Variants in AGO3 observed in about 807,000 individuals in gnomAD.
The protein encoded by AGO3 is protein argonaute-3.
AGO3 carries 16 observed loss-of-function variants against 105.5 expected under a neutral mutation model. That is an observed-to-expected ratio of 0.15 (90% confidence interval 0.10 to 0.23). The LOEUF is 0.23. AGO3 is among the 10% of genes least tolerant of loss of function. The probability of loss-of-function intolerance (pLI) is 1.00; values close to 1 mark genes in which losing one functional copy is unlikely to be tolerated. For missense variants in AGO3, 534 were observed against 1,088.0 expected, an observed-to-expected ratio of 0.49 and a Z score of 7.16; for synonymous variants, 340 against 367.3, an observed-to-expected ratio of 0.93 and a Z score of 0.85.
At chr1:35,961,030 A>C (rs1571435340) in intron 2 of AGO3, among the ~76,000 whole-genome samples, 1 of 140,898 alleles carries the variant, frequency 7.1e-6, no homozygotes, top group East Asian at 2.0e-4. Context: ...TGCAAGCTCC[A>C]CCTCCCGGGT....
chr1:35,954,840 A>G (rs1646535604), intron 2 of AGO3, among the ~76,000 whole-genome samples: 1 of 152,238 alleles, frequency 6.6e-6, no homozygotes, highest in African/African-American at 2.4e-5. Context: ...AAATAATTGT[A>G]TCATAAAAGG....
intron 5 of AGO3, among the ~76,000 whole-genome samples, chr1:35,977,156 C>T: frequency 6.7e-6 from 1 of 148,536 alleles, no homozygotes; most frequent in Admixed American, 6.8e-5. Context: ...TAATGGATAC[C>T]CCATTTACCC....
intron 1 of AGO3, among the ~76,000 whole-genome samples, chr1:35,942,955 A>G (rs796691656): frequency 7.2e-5 from 11 of 151,922 alleles, no homozygotes; most frequent in African/African-American, 2.7e-4. Context: ...TAGGTACCTC[A>G]TGTAAGTGGA....
chr1:35,949,454 G>A (rs1646429696), intron 2 of AGO3, among the ~76,000 whole-genome samples: 1 of 152,078 alleles, frequency 6.6e-6, no homozygotes, highest in African/African-American at 2.4e-5. Flanking sequence ...AATTGATGTG[G>A]TGGCTCAGTT....
At chr1:35,971,050 T>TATAAATATATAA (rs1646859677) in intron 3 of AGO3, among the ~76,000 whole-genome samples, 1 of 146,182 alleles carries the variant, frequency 6.8e-6, no homozygotes, top group African/African-American at 2.5e-5. Context: ...ATATATTTTT[T>TATAAATATATAA]ATTATAAATA....
chr1:36,044,353 A>AT (rs1353440686), intron 17 of AGO3, among the ~76,000 whole-genome samples: 1 of 152,052 alleles, frequency 6.6e-6, no homozygotes, highest in South Asian at 2.1e-4. Context: ...GTCTCAAAAA[A>AT]TAAAAAAAAA....
intron 5 of AGO3, among the ~76,000 whole-genome samples, chr1:35,976,240 C>T (rs1224879616): frequency 1.3e-5 from 2 of 152,020 alleles, no homozygotes; most frequent in African/African-American, 4.8e-5. Context: ...CAGGCCATTT[C>T]TTGTTATTCC....
chr1:35,966,200 A>G (rs552540718), intron 2 of AGO3, among the ~76,000 whole-genome samples: 3 of 152,326 alleles, frequency 2.0e-5, no homozygotes, highest in Middle Eastern at 3.4e-3. Context: ...TTTAGATTTT[A>G]TAAACAAAAT....
intron 5 of AGO3, 129 bp downstream of exon 5, chr1:35,973,640 G>T: frequency 9.5e-7 from 1 of 1,056,396 alleles, no homozygotes; most frequent in Non-Finnish European, 1.3e-6. Flanking sequence ...ATGATCTACT[G>T]GAGAAACCTT....
At chr1:36,004,263 T>C in intron 5 of AGO3, 78 bp from the exon 6 acceptor site, 1 of 1,439,378 alleles carries the variant, frequency 6.9e-7, no homozygotes, top group Non-Finnish European at 9.4e-7. Context: ...CTATAGATAG[T>C]TATCCTGGAG....
Position 36,066,920 on chromosome 1 carries a change from C to A in AGO3, c.*11175C>A, listed in dbSNP as rs368424212. The stretch of plus-strand genomic sequence containing the variant: ...GAGCAGCTATTGCTATTTGAACCTA[C>A]AGAAGAGACCTAAGACGAGCGTCTC... On this transcript the variant is annotated 3_prime_UTR_variant, in exon 19 of 19. Transcript: ENST00000373191. 4.6e-5 allele frequency: 7 copies of A among 152,202 alleles called. No homozygotes were observed. The highest frequency in any genetic ancestry group is 3.9e-4 in the Admixed American group (6 of 15,284). The allele number at this position is 152,202 out of a possible 1,614,324, so 9.4% of individuals were successfully genotyped here.
At chr1:36,006,747 A>G (rs1640353500) in intron 6 of AGO3, among the ~76,000 whole-genome samples, 1 of 152,200 alleles carries the variant, frequency 6.6e-6, no homozygotes, top group Non-Finnish European at 1.5e-5. Flanking sequence ...ATGAAAAATT[A>G]CTACTCACTG....
intron 1 of AGO3, among the ~76,000 whole-genome samples, chr1:35,933,204 A>T (rs146807906): frequency 9.8e-5 from 15 of 152,298 alleles, no homozygotes; most frequent in African/African-American, 2.9e-4. Context: ...TTTATACATG[A>T]TTGAATGTAG....
intron 2 of AGO3, among the ~76,000 whole-genome samples, chr1:35,960,477 C>A (rs1646652835): frequency 6.6e-6 from 1 of 151,668 alleles, no homozygotes; most frequent in Admixed American, 6.6e-5. Flanking sequence ...AAGACCTGGT[C>A]TCAAAAAAAA....
chr1:36,055,345 T>G lies in AGO3; in HGVS notation c.2474+200T>G. The G allele has an allele frequency of 3.2e-6, 2 of 628,204 alleles. No individual in the cohort carries two copies. Among genetic ancestry groups the G allele is most frequent in the Non-Finnish European group, 5.5e-6 (2 of 362,770 alleles). 38.9% of individuals were successfully genotyped at this position (628,204 alleles called of 1,614,324 possible). A position where few individuals can be genotyped will look rare whatever the true frequency, so the allele number is the denominator to read the frequency against. ...TCATGTAGTAACTTAGTTGTTTTAC[T>G]ACATTAATTCAAAGGAGAGATTATT... On this transcript the variant is annotated intron_variant, in intron 18 of 18. Coordinates refer to ENST00000373191, the MANE Select transcript of AGO3 (RefSeq NM_024852.4). The surrounding 1 kb of genome is among the most constrained non-coding windows in gnomAD (Gnocchi z 4.4).
chr1:35,948,334 C>T (rs1355593538), intron 2 of AGO3, among the ~76,000 whole-genome samples: 1 of 151,758 alleles, frequency 6.6e-6, no homozygotes, highest in Non-Finnish European at 1.5e-5. Context: ...TCTCCTGCCT[C>T]AGCCTCCCGA....
chr1:35,933,904 T>C (rs189190438), intron 1 of AGO3, among the ~76,000 whole-genome samples: 3 of 152,228 alleles, frequency 2.0e-5, no homozygotes, highest in African/African-American at 7.2e-5. Context: ...AAATACCATA[T>C]AAGTTAGTAT....
At chr1:36,004,583 A>G (rs954940400) in intron 6 of AGO3, 108 bp downstream of exon 6, 33 of 932,354 alleles carry the variant, frequency 3.5e-5, no homozygotes, top group Non-Finnish European at 4.4e-5. Flanking sequence ...CATAACCAGT[A>G]AAACTATACA....
At chr1:36,014,179 GAC>G in intron 11 of AGO3, 131 bp downstream of exon 11, 1 of 1,174,728 alleles carries the variant, frequency 8.5e-7, no homozygotes, top group Non-Finnish European at 1.2e-6. Flanking sequence ...TTTTTTTTGA[GAC>G]AGAGTCTCAC....
Sources: gnomAD v4.1 joint callset for allele counts (sites outside exome capture counted in the v4.1 genomes callset) on GRCh38, gnomAD v4.1.1 for gene constraint, Gnocchi (gnomAD v3.1) non-coding constraint, MANE v1.5 for transcripts, NCBI Gene and HGNC (gene_info 2026-07-23, HGNC 2026-07-21) for gene names.